The following SHF variants were observed in gnomAD, a reference collection of about 807,000 sequenced individuals.
SHF encodes the protein SH2 domain-containing adapter protein F.
A neutral mutation model predicts 42.4 loss-of-function variants in SHF; 30 were observed. That is an observed-to-expected ratio of 0.71 (90% CI 0.53 to 0.96). SHF has a LOEUF of 0.96. SHF is among the 40% of genes least tolerant of loss of function. The pLI, the probability that SHF is intolerant of heterozygous loss-of-function variation, is 0.00. For missense variants in SHF, 598 were observed against 634.0 expected (o/e 0.94, Z 0.61); for synonymous variants, 264 against 269.9 (o/e 0.98, Z 0.21).
chr15:45,188,678 G>A (rs1404122885), upstream of SHF, among the ~76,000 whole-genome samples: 1 of 152,200 alleles, frequency 6.6e-6, no homozygotes, highest in Non-Finnish European at 1.5e-5. Context: ...GGGAGCACCT[G>A]CTCCAAACGG....
At chr15:45,179,112 T>C (rs746071416) in intron 1 of SHF, among the ~76,000 whole-genome samples, 118 of 152,254 alleles carry the variant, frequency 7.8e-4, no homozygotes, top group Non-Finnish European at 5.4e-4. Flanking sequence ...AATAAACAGC[T>C]GCTGAGCATC....
chr15:45,184,822 G>T (rs1333826117), intron 1 of SHF, among the ~76,000 whole-genome samples: 1 of 152,232 alleles, frequency 6.6e-6, no homozygotes, highest in Non-Finnish European at 1.5e-5. Context: ...AGATGGCAAG[G>T]CCCTGCCTGC....
Position 45,172,316 on chromosome 15 carries a change from G to C in SHF, c.991C>G (p.Gln331Glu). ...CAGCTCTTCTCCGGTCCTTCAAACTGGGCTGTGGGGAACATATCAATCATG... is the reference window on the plus strand; with the variant it reads ...CAGCTCTTCTCCGGTCCTTCAAACTCGGCTGTGGGGAACATATCAATCATG... ...PEPSLEDSSA[Q>E]FEGPEKSCLS... The change falls in exon 5 of 7, where the codon CAG (glutamine) becomes GAG (glutamate). Residue 331 changes from glutamine (Q) to glutamate (E), a missense_variant and splice_region_variant. By Grantham distance (29) the Gln-to-Glu change is conservative. Transcript: ENST00000690270. The C allele has an allele frequency of 6.3e-7, 1 of 1,596,688 alleles. No individual in the cohort carries two copies. The highest frequency in any genetic ancestry group is 8.5e-7 in the Non-Finnish European group (1 of 1,171,494).
At chr15:45,198,858 C>G in exon 2 of SHF, 1 of 1,614,016 alleles carries the variant, frequency 6.2e-7, no homozygotes, top group Non-Finnish European at 8.5e-7. Flanking sequence ...TGTTTTGGCC[C>G]ATTAGCCACG....
intron 1 of SHF, among the ~76,000 whole-genome samples, chr15:45,184,221 C>T (rs1034107913): frequency 3.3e-5 from 5 of 152,168 alleles, no homozygotes; most frequent in African/African-American, 1.2e-4. Context: ...AACCTCAGGG[C>T]AGGAATATTT....
At chr15:45,181,562 C>CA (rs1898128371) in intron 1 of SHF, among the ~76,000 whole-genome samples, 1 of 152,200 alleles carries the variant, frequency 6.6e-6, no homozygotes, top group Non-Finnish European at 1.5e-5. Flanking sequence ...CTGTATCCTG[C>CA]ATCAATCTCA....
chr15:45,188,043 G>T (rs1027731818), upstream of SHF: 1 of 385,430 alleles, frequency 2.6e-6, no homozygotes, highest in East Asian at 5.9e-5. Context: ...CGGGCGGGGA[G>T]GGGGCGGGGC....
chr15:45,176,011 G>T (rs988405622), intron 2 of SHF, among the ~76,000 whole-genome samples: 1 of 151,718 alleles, frequency 6.6e-6, no homozygotes, highest in Non-Finnish European at 1.5e-5. Context: ...AGAGATGGGG[G>T]GTTTCACCAT....
In SHF at chr15:45,187,835, T is replaced by A. The variant is rs1898530780; in HGVS notation, c.117A>T (p.Pro39=). ...CTACTCCGCCGCTGCCGCCCCCTCC[T>A]GGGCCGGCTCCCGCACCCCCGGCGC... The part of the protein sequence containing the change: ...RRGAGGAGAG[P]GGGGSGGVAK... Residue 39 remains proline, a synonymous_variant, in exon 1 of 7, where the codon CCA becomes CCT. Coordinates refer to ENST00000690270, the MANE Select transcript of SHF (RefSeq NM_001394037.1). The A allele has an allele frequency of 1.0e-6, 1 of 977,648 alleles. No individual in the cohort carries two copies. The highest frequency in any genetic ancestry group is 1.7e-5 in the African/African-American group (1 of 58,164). 60.6% of individuals were successfully genotyped at this position (977,648 alleles called of 1,614,324 possible).
chr15:45,179,835 G>A (rs538053247), intron 1 of SHF, among the ~76,000 whole-genome samples: 8 of 152,332 alleles, frequency 5.3e-5, no homozygotes, highest in African/African-American at 1.9e-4. Context: ...GTAGGAGCCA[G>A]CTGGGCTGGG....
intron 1 of SHF, among the ~76,000 whole-genome samples, chr15:45,184,516 C>A (rs1357481887): frequency 6.6e-6 from 1 of 152,202 alleles, no homozygotes; most frequent in African/African-American, 2.4e-5. Flanking sequence ...TGGTTGTAAT[C>A]CAGGGTGCCT....
At position 45,199,013 on chromosome 15, in the gene SHF, GA is replaced by G; in HGVS notation, c.61del (p.Ser21ArgfsTer18). The G allele has an allele frequency of 1.2e-6, 2 of 1,609,680 alleles. No homozygotes were observed. Among genetic ancestry groups the G allele is most frequent in the African/African-American group, 2.7e-5 (2 of 74,926 alleles). On this transcript the variant is annotated frameshift_variant, in exon 2 of 8. Transcript: ENST00000290894. LOFTEE classifies it high-confidence loss of function. Reference sequence around the variant, plus strand: ...CCTATGCCCCGGAGACCCTTGCCGCGAACCCTCCAGGGTTCCGGTCCTACAG... The same window carrying G: ...CCTATGCCCCGGAGACCCTTGCCGCGACCCTCCAGGGTTCCGGTCCTACAG...
At chr15:45,169,400 C>T (rs2141332389) in intron 6 of SHF, among the ~76,000 whole-genome samples, 1 of 152,328 alleles carries the variant, frequency 6.6e-6, no homozygotes, top group Non-Finnish European at 1.5e-5. Flanking sequence ...AGGAAAAGGC[C>T]TGAGGCCCCA....
intron 2 of SHF, chr15:45,198,703 G>T (rs150278619): frequency 6.5e-7 from 1 of 1,533,152 alleles, no homozygotes; most frequent in Non-Finnish European, 8.8e-7. Context: ...CGTAGGGGTT[G>T]GCTTCTGATT....
chr15:45,188,169 G>A (rs1458369074), upstream of SHF, among the ~76,000 whole-genome samples: 1 of 152,164 alleles, frequency 6.6e-6, no homozygotes, highest in African/African-American at 2.4e-5. Context: ...GAAGTGAAGT[G>A]GGCAGCCCTG....
rs1898500266 is a variant in SHF at position 45,187,583 on chromosome 15, G to A, written c.369C>T (p.Val123=). ...SSGSAALATP[V]APGPTPPPRH... ...GCGGGGGCGGCGTGGGTCCGGGGGCGACAGGGGTGGCGAGGGCGGCGGAGC... is the reference window on the plus strand; with the variant it reads ...GCGGGGGCGGCGTGGGTCCGGGGGCAACAGGGGTGGCGAGGGCGGCGGAGC... Residue 123 remains valine, a synonymous_variant, in exon 1 of 7, where the codon GTC becomes GTT. Coordinates refer to ENST00000690270, the MANE Select transcript of SHF (RefSeq NM_001394037.1). 1.1e-5 allele frequency: 14 copies of A among 1,230,162 alleles called. No homozygotes were observed. Among genetic ancestry groups the A allele is most frequent in the Non-Finnish European group, 1.4e-5 (14 of 986,860 alleles). The allele number at this position is 1,230,162 out of a possible 1,614,324, so 76.2% of individuals were successfully genotyped here.
rs1212076086 is a variant in SHF, at chr15:45,198,472, G to A, written c.303+300C>T. The A allele has an allele frequency of 8.7e-6, 3 of 344,462 alleles. No individual in the cohort carries two copies. In the South Asian group the frequency reaches 1.5e-4, roughly 18 times the overall value. The allele number at this position is 344,462 out of a possible 1,614,324, so 21.3% of individuals were successfully genotyped here. On this transcript the variant is annotated intron_variant, in intron 2 of 7. Coordinates refer to the SHF transcript ENST00000290894. The stretch of plus-strand genomic sequence containing the variant: ...TACATGAGAGTTACTGTAGGTGGCG[G>A]TCCTCGGAGTGCCTCAGTTTTCAAA...
chr15:45,190,142 C>T (rs1194328051), upstream of SHF, among the ~76,000 whole-genome samples: 1 of 152,170 alleles, frequency 6.6e-6, no homozygotes, highest in Non-Finnish European at 1.5e-5. Context: ...ACAGATACTG[C>T]TGGTCCCAGA....
intron 1 of SHF, among the ~76,000 whole-genome samples, chr15:45,182,304 T>C (rs1468696867): frequency 1.3e-5 from 2 of 152,238 alleles, no homozygotes; most frequent in Non-Finnish European, 2.9e-5. Context: ...TTAGTTTACA[T>C]TGAGTGTCTG....
Sources: gnomAD v4.1 joint callset for allele counts (sites outside exome capture counted in the v4.1 genomes callset) on GRCh38, gnomAD v4.1.1 for gene constraint, MANE v1.5 for transcripts, NCBI Gene and HGNC (gene_info 2026-07-23, HGNC 2026-07-21) for gene names.